Variants in FN1 observed in about 807,000 individuals in gnomAD.
The protein encoded by FN1 is fibronectin 1.
Under a neutral mutation model 297.3 loss-of-function variants are expected in FN1, and 106 were observed. The observed-to-expected ratio is 0.36, with a 90% CI of 0.30 to 0.42. The LOEUF (loss-of-function observed/expected upper bound fraction) is 0.42, where lower values mean the gene tolerates loss of function less well. Among genes scored for constraint, FN1 ranks in the 10% least tolerant of loss-of-function variants. The pLI is 1.00. For synonymous variants in FN1, 1,149 were observed against 1,152.6 expected (o/e 1.00, Z 0.06); for missense variants, 2,690 against 3,124.9 (o/e 0.86, Z 3.32).
chr2:215,430,625 G>A lies in FN1; in HGVS notation c.685+90C>T, dbSNP rs371888794. 2.1e-4 allele frequency: 304 copies of A among 1,442,970 alleles called. 2 individuals are homozygous for A. The African/African-American group carries it at 3.9e-3, about 19-fold the overall frequency. 89.4% of individuals were successfully genotyped at this position (1,442,970 alleles called of 1,614,324 possible). ...ACCAAAGCATGCTGATATACTGGATGTGTTCTGAGTAACATAGTATTACCC... is the reference window on the plus strand; with the variant it reads ...ACCAAAGCATGCTGATATACTGGATATGTTCTGAGTAACATAGTATTACCC... On this transcript the variant is annotated intron_variant, in intron 5 of 45. Coordinates refer to ENST00000354785, the MANE Select transcript of FN1 (RefSeq NM_212482.4).
intron 24 of FN1, chr2:215,393,855 A>G (rs1467146138): frequency 1.3e-5 from 2 of 154,046 alleles, no homozygotes; most frequent in Non-Finnish European, 2.9e-5. Flanking sequence ...AAAGCATTCT[A>G]CTGAAGAGTC....
At position 215,397,682 on chromosome 2, in the gene FN1, G is replaced by T. The variant is rs755128169; in HGVS notation, c.3515C>A (p.Thr1172Lys). The change falls in exon 22 of 46, where the codon ACA (threonine) becomes AAA (lysine). Residue 1172 changes from threonine (T) to lysine (K), a missense_variant and splice_region_variant. Physicochemically the swap from Thr to Lys is moderately conservative, Grantham distance 78 (BLOSUM62 -1). Coordinates refer to ENST00000354785, the MANE Select transcript of FN1 (RefSeq NM_212482.4). ...RDAPIVNKVV[T>K]PLSPPTNLHL... The stretch of plus-strand genomic sequence containing the variant: ...AAAAGGGAAAAAATTCTTCTTACGT[G>T]TCACCACTTTGTTTACAATTGGCGC... The T allele has an allele frequency of 1.2e-6, 2 of 1,613,856 alleles. No individual in the cohort carries two copies. The highest frequency in any genetic ancestry group is 1.7e-6 in the Non-Finnish European group (2 of 1,179,736).
At chr2:215,423,202 AC>A (rs1336686515) in intron 9 of FN1, 147 bp downstream of exon 9, 2 of 713,158 alleles carry the variant, frequency 2.8e-6, no homozygotes, top group Non-Finnish European at 4.9e-6. Context: ...ACACACACAC[AC>A]ACACACACAA....
At position 215,370,623 on chromosome 2, in the gene FN1, G is replaced by T; in HGVS notation, c.6715-191C>A. 5.1e-6 allele frequency: 3 copies of T among 584,254 alleles called. No individual in the cohort carries two copies. The South Asian group carries it at 6.1e-5, about 12-fold the overall frequency. The allele number at this position is 584,254 out of a possible 1,614,324, so 36.2% of individuals were successfully genotyped here. Reference sequence around the variant, plus strand: ...GAGGAGAGAAATGGAACAAGGATAGGGGCCATCGTTCCTGCCAGATTTTCC... The same window carrying T: ...GAGGAGAGAAATGGAACAAGGATAGTGGCCATCGTTCCTGCCAGATTTTCC... On this transcript the variant is annotated intron_variant, in intron 40 of 45. Coordinates refer to ENST00000354785, the MANE Select transcript of FN1 (RefSeq NM_212482.4).
chr2:215,428,054 A>T (rs6728950), intron 6 of FN1, 126 bp downstream of exon 6: 13 of 1,165,622 alleles, frequency 1.1e-5, no homozygotes, highest in African/African-American at 7.5e-5. Context: ...TGTGTAAATT[A>T]TCTTAGGTTA....
rs751168230 is a variant in FN1 at position 215,408,196 on chromosome 2, C to T, written c.2430G>A (p.Ala810=). The change falls in exon 17 of 46, where the codon GCG becomes GCA. Residue 810 remains alanine, a splice_region_variant and synonymous_variant. Transcript: ENST00000354785. ...CAGTCGTGTCAGGAGGGGCATCAGG[C>T]GCTAAGAAAGAAAGAAAGTGGGGCA... ...SLILSTSQTT[A]PDAPPDTTVD... is the part of the protein sequence containing the mutation. 1.7e-5 allele frequency: 28 copies of T among 1,613,656 alleles called. No homozygotes were observed. The highest frequency in any genetic ancestry group is 1.0e-4 in the Admixed American group (6 of 59,972).
At position 215,406,921 on chromosome 2, in the gene FN1, C is replaced by T. The variant is rs17456939; in HGVS notation, c.2713+206G>A. On this transcript the variant is annotated intron_variant, in intron 18 of 45. Transcript: ENST00000354785. ...TTCTAGGGGAAAATTTGTAGATGGA[C>T]GTTATGGTGTCAGTTTTTAATCAGA... Among the ~76,000 whole-genome samples the T allele has an allele frequency of 0.32, 49,150 of 151,946 alleles. 8,695 individuals carry two copies. Among genetic ancestry groups the T allele is most frequent in the South Asian group, 0.48 (2,294 of 4,804 alleles).
chr2:215,391,244 T>C (rs1009227875), intron 26 of FN1, among the ~76,000 whole-genome samples: 1 of 152,244 alleles, frequency 6.6e-6, no homozygotes, highest in Non-Finnish European at 1.5e-5. Context: ...ACACTTTTTT[T>C]ATAAAAATGA....
intron 2 of FN1, among the ~76,000 whole-genome samples, 164 bp from the exon 3 acceptor site, chr2:215,433,625 A>G (rs1320256417): frequency 3.3e-5 from 5 of 152,260 alleles, no homozygotes; most frequent in Non-Finnish European, 7.3e-5. Context: ...CTAAGCTCTA[A>G]TAAGGCCATG....
At position 215,376,423 on chromosome 2, in the gene FN1, G is replaced by A. The variant is rs895973481; in HGVS notation, c.5887+75C>T. 369 of 1,324,752 alleles carry A rather than the reference G, an allele frequency of 2.8e-4. 1 individual carries two copies. Among genetic ancestry groups the A allele is most frequent in the Non-Finnish European group, 2.8e-4 (256 of 916,674 alleles). The allele number at this position is 1,324,752 out of a possible 1,614,324, so 82.1% of individuals were successfully genotyped here. On this transcript the variant is annotated intron_variant, in intron 36 of 45. Coordinates refer to ENST00000354785, the MANE Select transcript of FN1 (RefSeq NM_212482.4). The stretch of plus-strand genomic sequence containing the variant: ...AAAATAAATTTTATCAGTGTCAGTC[G>A]TAGAACAGTTAATAAGCCCGTTTAC...
rs114526965 is a variant in FN1, at chr2:215,387,599, T to C, written c.4342+613A>G. ...TGTTGCAAATTCAAATCACTTAGTCTCTGGGACTTCCAGCAAATTTCTGTT... is the reference window on the plus strand; with the variant it reads ...TGTTGCAAATTCAAATCACTTAGTCCCTGGGACTTCCAGCAAATTTCTGTT... On this transcript the variant is annotated intron_variant, in intron 27 of 45. Coordinates refer to ENST00000354785, the MANE Select transcript of FN1 (RefSeq NM_212482.4). 7.3e-3 allele frequency among the ~76,000 whole-genome samples: 1,107 copies of C among 152,300 alleles called. 9 individuals are homozygous for C. The highest frequency in any genetic ancestry group is 0.025 in the African/African-American group (1,026 of 41,558).
intron 5 of FN1, 147 bp downstream of exon 5, chr2:215,430,568 G>A (rs2066331470): frequency 1.2e-6 from 1 of 803,658 alleles, no homozygotes; most frequent in Non-Finnish European, 2.1e-6. Flanking sequence ...GGAATAAGTT[G>A]GTTATGAAAG....
At chr2:215,372,627 G>A (rs1247778287) in intron 39 of FN1, 9 of 536,682 alleles carry the variant, frequency 1.7e-5, no homozygotes, top group Non-Finnish European at 2.7e-5. Flanking sequence ...GCTTTAAACC[G>A]CTGAGCCCCG....
chr2:215,386,631 G>A, intron 28 of FN1, 58 bp downstream of exon 28: 3 of 1,021,664 alleles, frequency 2.9e-6, no homozygotes, highest in Non-Finnish European at 4.2e-6. Context: ...CTACTTTACA[G>A]AATCTACCAA....
At chr2:215,399,992 A>G (rs2060804369) in intron 20 of FN1, among the ~76,000 whole-genome samples, 1 of 152,148 alleles carries the variant, frequency 6.6e-6, no homozygotes. Context: ...GTTCGAGACC[A>G]GGCTGGCAAA....
intron 19 of FN1, 75 bp downstream of exon 19, chr2:215,406,163 T>G (rs1310079694): frequency 6.9e-7 from 1 of 1,454,842 alleles, no homozygotes; most frequent in African/African-American, 1.4e-5. Context: ...GAGTGAATGG[T>G]TTACTGCACT....
intron 12 of FN1, among the ~76,000 whole-genome samples, chr2:215,416,860 A>G (rs2063499159): frequency 6.6e-6 from 1 of 152,206 alleles, no homozygotes; most frequent in Admixed American, 6.5e-5. Flanking sequence ...AAAGTGGAGT[A>G]CAACTACAGA....
rs2053393995 is a variant in FN1 at position 215,361,262 on chromosome 2, T to TC, written c.*292dup. ...GCATCTTGGTTGGCTGCATATGCTT[T>TC]CCTATTGATCCCAAACCAAATCTTA... On this transcript the variant is annotated 3_prime_UTR_variant, in exon 46 of 46. Coordinates refer to ENST00000354785, the MANE Select transcript of FN1 (RefSeq NM_212482.4). 4 of 369,564 alleles carry TC rather than the reference T, an allele frequency of 1.1e-5. No individual in the cohort carries two copies. The highest frequency in any genetic ancestry group is 2.0e-5 in the Non-Finnish European group (4 of 198,898). 22.9% of individuals were successfully genotyped at this position (369,564 alleles called of 1,614,324 possible). A position where few individuals can be genotyped will look rare whatever the true frequency, so the allele number is the denominator to read the frequency against.
In FN1 at chr2:215,409,742, A is replaced by AGAGAGTCACAGAAAGGG; in HGVS notation, c.2123-20_2123-4dup. ...CGTCTCTCCTGTCACGGTGTTGCCT[A>AGAGAGTCACAGAAAGGG]GAGAGTCACAGAAAGGGGAAAGTCA... On this transcript the variant is annotated splice_region_variant and splice_polypyrimidine_tract_variant and intron_variant, in intron 14 of 45. Transcript: ENST00000354785. 6.2e-7 allele frequency: 1 copy of AGAGAGTCACAGAAAGGG among 1,614,078 alleles called. No individual in the cohort carries two copies. The highest frequency in any genetic ancestry group is 1.7e-5 in the Admixed American group (1 of 60,032).
Sources: allele counts gnomAD v4.1 joint callset (sites outside exome capture counted in the v4.1 genomes callset), GRCh38; gene constraint gnomAD v4.1.1; transcripts MANE v1.5; gene names NCBI Gene and HGNC (gene_info 2026-07-23, HGNC 2026-07-21).